ZFP36L2: variants seen among roughly 807,000 people sequenced by gnomAD.
The protein encoded by ZFP36L2 is ZFP36 like 2 zinc finger CCCH-type.
Under a neutral mutation model 27.9 loss-of-function variants are expected in ZFP36L2, and 16 were observed. The observed-to-expected ratio is 0.57, with a 90% CI of 0.39 to 0.87. The LOEUF is 0.87. Among genes scored for constraint, ZFP36L2 ranks in the 40% least tolerant of loss-of-function variants. The probability of loss-of-function intolerance (pLI) is 0.00; values close to 1 mark genes in which losing one functional copy is unlikely to be tolerated. For missense variants in ZFP36L2, 989 were observed against 726.9 expected (o/e 1.36, Z -4.15); for synonymous variants, 600 against 363.8 (o/e 1.65, Z -7.39).
Position 43,222,730 on chromosome 2 carries a change from T to A in ZFP36L2, c.*1589A>T, listed in dbSNP as rs1666995462. ...AATTAAACAAGGCATATTCATGTAC[T>A]ACATATTTCAGCACTAAGGCGGTTG... On this transcript the variant is annotated 3_prime_UTR_variant, in exon 2 of 2. Coordinates refer to ENST00000282388, the MANE Select transcript of ZFP36L2 (RefSeq NM_006887.5). 1 of 152,382 alleles carries A rather than the reference T, an allele frequency of 6.6e-6. No homozygotes were observed. The highest frequency in any genetic ancestry group is 6.5e-5 in the Admixed American group (1 of 15,286). 9.4% of individuals were successfully genotyped at this position (152,382 alleles called of 1,614,324 possible). A position where few individuals can be genotyped will look rare whatever the true frequency, so the allele number is the denominator to read the frequency against.
rs535741208 is a variant in ZFP36L2 at position 43,226,510 on chromosome 2, G to A, written c.-195C>T. 784 of 638,196 alleles carry A rather than the reference G, an allele frequency of 1.2e-3. 4 individuals carry two copies. In the African/African-American group the frequency reaches 0.014, roughly 11 times the overall value. 39.5% of individuals were successfully genotyped at this position (638,196 alleles called of 1,614,324 possible). On this transcript the variant is annotated 5_prime_UTR_variant, in exon 1 of 2. Coordinates refer to ENST00000282388, the MANE Select transcript of ZFP36L2 (RefSeq NM_006887.5). ...GGAGGGTCCGGCGGAGTGCGGCAGG[G>A]GGGAAGGAGAGAAGCGAGGAGCGCT...
chr2:43,224,806 A>T lies in ZFP36L2; in HGVS notation c.998T>A (p.Leu333Gln). 2 of 1,428,196 alleles carry T rather than the reference A, an allele frequency of 1.4e-6. No individual in the cohort carries two copies. The highest frequency in any genetic ancestry group is 2.4e-4 in the Middle Eastern group (1 of 4,114). 88.5% of individuals were successfully genotyped at this position (1,428,196 alleles called of 1,614,324 possible). Residue 333 changes from leucine to glutamine, a missense_variant, in exon 2 of 2, where the codon CTG becomes CAG. Transcript: ENST00000282388. ...CTCGGCGCCCCCGGTGCCGTACAGC[A>T]GAGCGGCCGCAGCCGCGGCCGCCGC... The part of the protein sequence containing the change: ...ASAAAAAAAA[L>Q]LYGTGGAEDL...
chr2:43,226,440 C>G lies in ZFP36L2; in HGVS notation c.-125G>C. ...GGGGCGGGGAGGGGCCGAAAGTTTG[C>G]CGGGGGGCGAGAGGAGAGGGCGAGT... On this transcript the variant is annotated 5_prime_UTR_variant, in exon 1 of 2. Coordinates refer to ENST00000282388, the MANE Select transcript of ZFP36L2 (RefSeq NM_006887.5). 1.5e-6 allele frequency: 2 copies of G among 1,298,466 alleles called. No homozygotes were observed. Among genetic ancestry groups the G allele is most frequent in the Non-Finnish European group, 2.2e-6 (2 of 926,708 alleles). The allele number at this position is 1,298,466 out of a possible 1,614,324, so 80.4% of individuals were successfully genotyped here.
rs1385485339 is a variant in ZFP36L2, at chr2:43,223,165, T to A, written c.*1154A>T. The A allele has an allele frequency of 6.6e-6, 1 of 152,302 alleles. No individual in the cohort carries two copies. Among genetic ancestry groups the A allele is most frequent in the Non-Finnish European group, 1.5e-5 (1 of 68,026 alleles). 9.4% of individuals were successfully genotyped at this position (152,302 alleles called of 1,614,324 possible). A position where few individuals can be genotyped will look rare whatever the true frequency, so the allele number is the denominator to read the frequency against. ...CTTCCACAGCATCAAGATCGATTTC[T>A]GTCAAGAAATCATGCAATCTTTCAA... On this transcript the variant is annotated 3_prime_UTR_variant, in exon 2 of 2. Transcript: ENST00000282388.
rs1421973609 is a variant in ZFP36L2 at position 43,224,705 on chromosome 2, G to A, written c.1099C>T (p.Pro367Ser). The change falls in exon 2 of 2, where the codon CCG (proline) becomes TCG (serine). Residue 367 changes from proline (P) to serine (S), a missense_variant. Coordinates refer to ENST00000282388, the MANE Select transcript of ZFP36L2 (RefSeq NM_006887.5). ...GGCGTGATGAGGCTGCTGAGCTCCG[G>A]ACCGAAGGCGAAGGCGTTGTTGGCG... ...SCANNAFAFG[P>S]ELSSLITPLA... 3.3e-6 allele frequency: 5 copies of A among 1,535,766 alleles called. No individual in the cohort carries two copies. Among genetic ancestry groups the A allele is most frequent in the Admixed American group, 3.8e-5 (2 of 52,592 alleles).
In ZFP36L2 at chr2:43,224,812, G is replaced by A; in HGVS notation, c.992C>T (p.Ala331Val). Reference protein sequence around the residue: ...CCASAAAAAAAALLYGTGGAE... With the variant: ...CCASAAAAAAVALLYGTGGAE... ...GCCCCCGGTGCCGTACAGCAGAGCG[G>A]CCGCAGCCGCGGCCGCCGCGGAGGC... Residue 331 changes from alanine to valine, a missense_variant, in exon 2 of 2, where the codon GCC (alanine) becomes GTC (valine). By Grantham distance (64) the Ala-to-Val change is moderately conservative. Transcript: ENST00000282388. 2 of 1,422,060 alleles carry A rather than the reference G, an allele frequency of 1.4e-6. No homozygotes were observed. The highest frequency in any genetic ancestry group is 1.5e-5 in the South Asian group (1 of 68,312). 88.1% of individuals were successfully genotyped at this position (1,422,060 alleles called of 1,614,324 possible). A position where few individuals can be genotyped will look rare whatever the true frequency, so the allele number is the denominator to read the frequency against.
In ZFP36L2 at chr2:43,224,873, CGGAGGCCGA is replaced by C. The variant is rs150534134; in HGVS notation, c.922_930del (p.Ser308_Ser310del). 1.4e-4 allele frequency: 214 copies of C among 1,501,672 alleles called. No individual in the cohort carries two copies. Among genetic ancestry groups the C allele is most frequent in the East Asian group, 7.9e-4 (29 of 36,508 alleles). The allele number at this position is 1,501,672 out of a possible 1,614,324, so 93.0% of individuals were successfully genotyped here. On this transcript the variant is annotated inframe_deletion, in exon 2 of 2. Coordinates refer to ENST00000282388, the MANE Select transcript of ZFP36L2 (RefSeq NM_006887.5). The stretch of plus-strand genomic sequence containing the variant: ...GGGGCGCCCGAGGGCGTGGAGGCCG[CGGAGGCCGA>C]GGAACAGGAGGAGGCGGAGGAGGAG...
In ZFP36L2 at chr2:43,225,309, G is replaced by T. The variant is rs1280967612; in HGVS notation, c.495C>A (p.Ser165Arg). 6.2e-7 allele frequency: 1 copy of T among 1,612,768 alleles called. No homozygotes were observed. The highest frequency in any genetic ancestry group is 2.2e-5 in the East Asian group (1 of 44,882). The change falls in exon 2 of 2, where the codon AGC (serine) becomes AGA (arginine). Residue 165 changes from serine (S) to arginine (R), a missense_variant. By Grantham distance (110) the Ser-to-Arg change is moderately radical. Coordinates refer to ENST00000282388, the MANE Select transcript of ZFP36L2 (RefSeq NM_006887.5). The stretch of plus-strand genomic sequence containing the variant: ...ACTTTTCGCCGTACTTGCACGTGCC[G>T]CTCTCCTCGAAGGGCCGGCACAGCT... Reference protein sequence around the residue: ...KTELCRPFEESGTCKYGEKCQ... With the variant: ...KTELCRPFEERGTCKYGEKCQ...
rs763995516 is a variant in ZFP36L2 at position 43,225,001 on chromosome 2, T to C, written c.803A>G (p.His268Arg). 12 of 1,592,546 alleles carry C rather than the reference T, an allele frequency of 7.5e-6. No individual in the cohort carries two copies. Among genetic ancestry groups the C allele is most frequent in the South Asian group, 1.1e-5 (1 of 90,654 alleles). Residue 268 changes from histidine to arginine, a missense_variant, in exon 2 of 2, where the codon CAT (histidine) becomes CGT (arginine). By Grantham distance (29) the His-to-Arg change is conservative. Transcript: ENST00000282388. Reference protein sequence around the residue: ...LSFSGFPSGHHQPPGGLESPL... With the variant: ...LSFSGFPSGHRQPPGGLESPL... The stretch of plus-strand genomic sequence containing the variant: ...CGACTCGAGGCCGCCCGGGGGCTGA[T>C]GGTGGCCCGACGGGAAGCCCGAGAA...
rs770005349 is a variant in ZFP36L2, at chr2:43,224,325, G to A, written c.1479C>T (p.Asp493=). Residue 493 remains aspartate, a synonymous_variant, in exon 2 of 2, where the codon GAC becomes GAT. Coordinates refer to ENST00000282388, the MANE Select transcript of ZFP36L2 (RefSeq NM_006887.5). ...TCACTGGCGCCCTCTTGCCTCAGTC[G>A]TCGGAGATGGAGAGGCGGCTGAAGA... is the stretch of plus-strand genomic sequence containing the variant. ...LPIFSRLSIS[D]D is the part of the protein sequence containing the mutation. 13 of 1,575,136 alleles carry A rather than the reference G, an allele frequency of 8.3e-6. No homozygotes were observed. In the African/African-American group the frequency reaches 9.8e-5, roughly 12 times the overall value.
At position 43,225,756 on chromosome 2, in the gene ZFP36L2, C is replaced by T. The variant is rs200760651; in HGVS notation, c.52-4G>A. ...GGTTGGCCAGGGATTTCTCTGTCTG[C>T]CAAAGGGAGGGGAGCGGGGAAGGGA... On this transcript the variant is annotated splice_region_variant and splice_polypyrimidine_tract_variant and intron_variant, in intron 1 of 1. Coordinates refer to ENST00000282388, the MANE Select transcript of ZFP36L2 (RefSeq NM_006887.5). The T allele has an allele frequency of 1.7e-4, 267 of 1,587,084 alleles. No individual in the cohort carries two copies. The highest frequency in any genetic ancestry group is 2.1e-4 in the Non-Finnish European group (245 of 1,174,864).
At chr2:43,226,068 G>A (rs570048257) in intron 1 of ZFP36L2, among the ~76,000 whole-genome samples, 197 bp downstream of exon 1, 34 of 152,286 alleles carry the variant, frequency 2.2e-4, no homozygotes, top group Admixed American at 9.1e-4. Context: ...GTCGGCAGTG[G>A]AGAAACTCAA....
In ZFP36L2 at chr2:43,226,295, G is replaced by A. The variant is rs902996805; in HGVS notation, c.21C>T (p.Ser7=). 2.5e-6 allele frequency: 4 copies of A among 1,588,756 alleles called. No individual in the cohort carries two copies. The African/African-American group carries it at 4.0e-5, about 16-fold the overall frequency. ...ACAAGAAGTCGACATCGTAGAAGGCGGACAGAAGTGTGGTCGACATGTTTC... is the reference window on the plus strand; with the variant it reads ...ACAAGAAGTCGACATCGTAGAAGGCAGACAGAAGTGTGGTCGACATGTTTC... MSTTLL[S]AFYDVDFLCK... The change falls in exon 1 of 2, where the codon TCC becomes TCT. Residue 7 remains serine, a synonymous_variant. Coordinates refer to ENST00000282388, the MANE Select transcript of ZFP36L2 (RefSeq NM_006887.5).
Position 43,222,738 on chromosome 2 carries a change from T to A in ZFP36L2, c.*1581A>T, listed in dbSNP as rs1339723106. On this transcript the variant is annotated 3_prime_UTR_variant, in exon 2 of 2. Transcript: ENST00000282388. ...AAGGCATATTCATGTACTACATATT[T>A]CAGCACTAAGGCGGTTGCTTCACTT... 2 of 152,382 alleles carry A rather than the reference T, an allele frequency of 1.3e-5. No individual in the cohort carries two copies. The highest frequency in any genetic ancestry group is 6.5e-5 in the Admixed American group (1 of 15,280). The allele number at this position is 152,382 out of a possible 1,614,324, so 9.4% of individuals were successfully genotyped here.
At position 43,225,357 on chromosome 2, in the gene ZFP36L2, G is replaced by C; in HGVS notation, c.447C>G (p.Ile149Met). The change falls in exon 2 of 2, where the codon ATC becomes ATG. Residue 149 changes from isoleucine to methionine, a missense_variant. Transcript: ENST00000282388. ...QQQKGGGGSQ[I>M]NSTRYKTELC... ...GCTCGGTCTTGTAGCGCGTGGAGTT[G>C]ATCTGGGAGCCGCCGCCCCCCTTCT... 1 of 1,613,480 alleles carries C rather than the reference G, an allele frequency of 6.2e-7. No homozygotes were observed. The highest frequency in any genetic ancestry group is 8.5e-7 in the Non-Finnish European group (1 of 1,179,984).
At chr2:43,226,214 AG>A in intron 1 of ZFP36L2, 50 bp downstream of exon 1, 1 of 1,553,174 alleles carries the variant, frequency 6.4e-7, no homozygotes. Context: ...ACAGAGGCAA[AG>A]TCCAAGAACT....
In ZFP36L2 at chr2:43,224,181, C is replaced by T. The variant is rs1667029683; in HGVS notation, c.*138G>A. 4 of 841,684 alleles carry T rather than the reference C, an allele frequency of 4.8e-6. No individual in the cohort carries two copies. Among genetic ancestry groups the T allele is most frequent in the Non-Finnish European group, 6.4e-6 (4 of 624,936 alleles). 52.1% of individuals were successfully genotyped at this position (841,684 alleles called of 1,614,324 possible). A position where few individuals can be genotyped will look rare whatever the true frequency, so the allele number is the denominator to read the frequency against. On this transcript the variant is annotated 3_prime_UTR_variant, in exon 2 of 2. Transcript: ENST00000282388. ...CCGGCACAGAGTTCGAGTCCAAGTG[C>T]TCGGTCGGGCTTGCAGTCTGCCTAG...
Position 43,224,543 on chromosome 2 carries a change from C to A in ZFP36L2, c.1261G>T (p.Ala421Ser). 3 of 1,440,256 alleles carry A rather than the reference C, an allele frequency of 2.1e-6. No individual in the cohort carries two copies. The highest frequency in any genetic ancestry group is 3.0e-5 in the East Asian group (1 of 32,960). 89.2% of individuals were successfully genotyped at this position (1,440,256 alleles called of 1,614,324 possible). The part of the protein sequence containing the change: ...APPSATLPAG[A>S]AAPPSPPFSF... ...AAGGGCGGCGAGGGAGGTGCGGCGG[C>A]CCCGGCGGGGAGGGTCGCGCTGGGC... The change falls in exon 2 of 2, where the codon GCC becomes TCC. Residue 421 changes from alanine to serine, a missense_variant. Physicochemically the swap from Ala to Ser is moderately conservative, Grantham distance 99. Transcript: ENST00000282388.
chr2:43,223,315 GAA>G lies in ZFP36L2; in HGVS notation c.*1002_*1003del, dbSNP rs1269944688. 6.6e-6 allele frequency: 1 copy of G among 152,172 alleles called. No homozygotes were observed. 9.4% of individuals were successfully genotyped at this position (152,172 alleles called of 1,614,324 possible). On this transcript the variant is annotated 3_prime_UTR_variant, in exon 2 of 2. Transcript: ENST00000282388. ...AGTTACAAAAGGCATATATTACTGT[GAA>G]AAGAACATACACTCCACATTTTGCC...
Sources: allele counts gnomAD v4.1 joint callset (sites outside exome capture counted in the v4.1 genomes callset), GRCh38; gene constraint gnomAD v4.1.1; transcripts MANE v1.5; gene names NCBI Gene and HGNC (gene_info 2026-07-23, HGNC 2026-07-21).